NCKAP5: variants seen among roughly 807,000 people sequenced by gnomAD.
NCKAP5 encodes NCK associated protein 5, also known as nck-associated protein 5.
NCKAP5 carries 92 observed loss-of-function variants against 167.0 expected under a neutral mutation model. The observed-to-expected ratio is 0.55, with a 90% confidence interval of 0.47 to 0.66. The LOEUF (loss-of-function observed/expected upper bound fraction) is 0.66, where lower values mean the gene tolerates loss of function less well. NCKAP5 is among the 30% of genes least tolerant of loss of function. NCKAP5 has a pLI of 0.00. For synonymous variants in NCKAP5, 891 were observed against 877.4 expected (o/e 1.02, Z -0.27); for missense variants, 2,378 against 2,315.0 (o/e 1.03, Z -0.56).
Position 133,088,449 on chromosome 2 carries a change from A to G in NCKAP5, c.341+41529T>C, listed in dbSNP as rs79533481. Among the ~76,000 whole-genome samples the G allele has an allele frequency of 5.9e-3, 896 of 152,180 alleles. 2 individuals are homozygous for G. The highest frequency in any genetic ancestry group is 0.02 in the African/African-American group (845 of 41,518). The stretch of plus-strand genomic sequence containing the variant: ...AATGAACCTCAGGGTCTCTAACACC[A>G]AGCTGTTCCTGTCTGAACAAGCTCT... On this transcript the variant is annotated intron_variant, in intron 6 of 19. Coordinates refer to ENST00000409261, the MANE Select transcript of NCKAP5 (RefSeq NM_207363.3).
chr2:132,755,146 G>A (rs188941078), intron 16 of NCKAP5, among the ~76,000 whole-genome samples: 13 of 152,332 alleles, frequency 8.5e-5, no homozygotes, highest in African/African-American at 3.1e-4. Context: ...CTTACTGGCT[G>A]GAACCTAACT....
intron 3 of NCKAP5, among the ~76,000 whole-genome samples, chr2:133,322,223 C>T (rs1206658598): frequency 6.6e-6 from 1 of 152,132 alleles, no homozygotes; most frequent in Admixed American, 6.5e-5. Context: ...TTTTTGTACC[C>T]ACTATGCAAA....
At chr2:132,839,062 T>C (rs1018452636) in intron 11 of NCKAP5, among the ~76,000 whole-genome samples, 3 of 152,244 alleles carry the variant, frequency 2.0e-5, no homozygotes, top group Non-Finnish European at 4.4e-5. Flanking sequence ...GCCTTACATG[T>C]CTTTTTCTTG....
chr2:133,407,448 G>C (rs1174369531), intron 3 of NCKAP5, among the ~76,000 whole-genome samples: 1 of 152,206 alleles, frequency 6.6e-6, no homozygotes, highest in Non-Finnish European at 1.5e-5. Context: ...AAAGCAATTT[G>C]GCAAGCCTAG....
intron 4 of NCKAP5, among the ~76,000 whole-genome samples, chr2:133,241,692 G>A (rs2087711460): frequency 6.6e-6 from 1 of 152,116 alleles, no homozygotes; most frequent in African/African-American, 2.4e-5. Context: ...GGCATCTGCA[G>A]GGGGACAAGC....
intron 5 of NCKAP5, among the ~76,000 whole-genome samples, chr2:133,153,749 C>T (rs1392356146): frequency 6.9e-6 from 1 of 145,364 alleles, no homozygotes; most frequent in East Asian, 1.9e-4. Context: ...AATGCCTTCC[C>T]CTCCCAACAC....
At chr2:133,155,366 A>G (rs1366110162) in intron 5 of NCKAP5, among the ~76,000 whole-genome samples, 2 of 152,158 alleles carry the variant, frequency 1.3e-5, no homozygotes, top group Non-Finnish European at 2.9e-5. Flanking sequence ...CTGATTCAGT[A>G]CTGCTGGGAT....
At chr2:133,120,885 C>G (rs765568911) in intron 6 of NCKAP5, among the ~76,000 whole-genome samples, 2 of 152,134 alleles carry the variant, frequency 1.3e-5, no homozygotes, top group African/African-American at 4.8e-5. Context: ...TATGCTTAAC[C>G]TAAGTCTAGC....
intron 8 of NCKAP5, among the ~76,000 whole-genome samples, chr2:132,941,153 GC>G (rs1475441061): frequency 4.6e-5 from 7 of 152,152 alleles, no homozygotes; most frequent in Admixed American, 4.6e-4. Flanking sequence ...CCAGTCTAGA[GC>G]TCTTTAGCCT....
At chr2:133,609,687 G>A in the NCKAP5 span, among the ~76,000 whole-genome samples, 2 of 151,988 alleles carry the variant, frequency 1.3e-5, no homozygotes, top group Admixed American at 6.6e-5. Context: ...CCACCAAATG[G>A]CTTGGGTTTC....
chr2:132,929,400 A>G (rs1487707911), intron 8 of NCKAP5, among the ~76,000 whole-genome samples: 1 of 152,228 alleles, frequency 6.6e-6, no homozygotes, highest in Non-Finnish European at 1.5e-5. Flanking sequence ...CTCTTTATGC[A>G]GATGTGATTG....
At position 133,129,494 on chromosome 2, in the gene NCKAP5, G is replaced by A. The variant is rs538475176; in HGVS notation, c.341+484C>T. ...CCACATTTTCTTAATCCAGTTTATC[G>A]TTGTTGGACATTTGGGTTGGTTCCA... On this transcript the variant is annotated intron_variant, in intron 6 of 19. Coordinates refer to ENST00000409261, the MANE Select transcript of NCKAP5 (RefSeq NM_207363.3). Among the ~76,000 whole-genome samples the A allele has an allele frequency of 1.2e-4, 18 of 152,276 alleles. No individual in the cohort carries two copies. The East Asian group carries it at 2.9e-3, about 24-fold the overall frequency.
At chr2:133,357,829 T>C (rs542386267) in intron 3 of NCKAP5, among the ~76,000 whole-genome samples, 6 of 152,226 alleles carry the variant, frequency 3.9e-5, no homozygotes, top group Non-Finnish European at 5.9e-5. Flanking sequence ...TTTGGGGTCA[T>C]TTCACTGGCA....
At chr2:133,187,739 C>G (rs1574314302) in intron 5 of NCKAP5, among the ~76,000 whole-genome samples, 1 of 152,136 alleles carries the variant, frequency 6.6e-6, no homozygotes, top group East Asian at 1.9e-4. Context: ...AGATGGCCTT[C>G]TTTGTCTCTT....
chr2:133,468,583 G>T (rs558481684), intron 3 of NCKAP5, among the ~76,000 whole-genome samples: 5 of 152,110 alleles, frequency 3.3e-5, no homozygotes, highest in Non-Finnish European at 7.4e-5. Flanking sequence ...TTTCTGTCTC[G>T]TTGATCTGTC....
intron 3 of NCKAP5, among the ~76,000 whole-genome samples, chr2:133,347,440 C>T (rs1037025252): frequency 2.6e-5 from 4 of 152,064 alleles, no homozygotes; most frequent in African/African-American, 9.7e-5. Flanking sequence ...TTAATCCCAG[C>T]TACTCAGGAG....
chr2:132,783,848 G>A lies in NCKAP5; in HGVS notation c.2963C>T (p.Thr988Met), dbSNP rs748654642. The A allele has an allele frequency of 3.2e-5, 49 of 1,531,024 alleles. No homozygotes were observed. The highest frequency in any genetic ancestry group is 7.8e-5 in the South Asian group (6 of 76,660). The allele number at this position is 1,531,024 out of a possible 1,614,324, so 94.8% of individuals were successfully genotyped here. A position where few individuals can be genotyped will look rare whatever the true frequency, so the allele number is the denominator to read the frequency against. The change falls in exon 14 of 20, where the codon ACG (threonine) becomes ATG (methionine). Residue 988 changes from threonine (T) to methionine (M), a missense_variant. Around this residue, in one of 3 missense-constraint regions of NCKAP5, gnomAD observed 1,325 missense variants for 1,274.5 expected, o/e 1.04. Transcript: ENST00000409261. ...SAPVISSNPA[T>M]TEVQRKKPSV... ...AGGTTTCTTCCTCTGCACTTCTGTC[G>A]TGGCCGGATTAGAAGAAATAACTGG...
At chr2:133,062,753 T>C (rs997958767) in intron 6 of NCKAP5, among the ~76,000 whole-genome samples, 7 of 152,222 alleles carry the variant, frequency 4.6e-5, no homozygotes, top group Non-Finnish European at 1.0e-4. Context: ...GTTACAAAGT[T>C]AGATTAATTA....
At chr2:132,793,670 T>C (rs1002965715) in intron 12 of NCKAP5, among the ~76,000 whole-genome samples, 3 of 152,302 alleles carry the variant, frequency 2.0e-5, no homozygotes, top group African/African-American at 7.2e-5. Context: ...TGACATGGGC[T>C]GTGCTAAGCC....
Sources: gnomAD v4.1 joint callset for allele counts (sites outside exome capture counted in the v4.1 genomes callset) on GRCh38, gnomAD v4.1.1 for gene constraint, gnomAD v4.1.1 regional missense constraint, MANE v1.5 for transcripts, NCBI Gene and HGNC (gene_info 2026-07-23, HGNC 2026-07-21) for gene names.